RPH3A: variants seen among roughly 807,000 people sequenced by gnomAD.
RPH3A encodes the protein rabphilin 3A.
Under a neutral mutation model 102.2 loss-of-function variants are expected in RPH3A, and 48 were observed. That is an observed-to-expected ratio of 0.47 (90% CI 0.37 to 0.60). The LOEUF is 0.60. Ranked by LOEUF, RPH3A falls within the 20% of genes least tolerant of loss-of-function variation. The pLI, the probability that RPH3A is intolerant of heterozygous loss-of-function variation, is 0.00. For missense variants in RPH3A, 781 were observed against 910.1 expected, an observed-to-expected ratio of 0.86 and a Z score of 1.83; for synonymous variants, 310 against 324.3, an observed-to-expected ratio of 0.96 and a Z score of 0.47.
At chr12:112,837,719 G>C (rs999384583) in intron 4 of RPH3A, 1 of 455,826 alleles carries the variant, frequency 2.2e-6, no homozygotes, top group Non-Finnish European at 4.4e-6. Flanking sequence ...GTCATTGTCA[G>C]ATGACAAATA....
intron 2 of RPH3A, among the ~76,000 whole-genome samples, chr12:112,803,725 C>T (rs2041400966): frequency 6.6e-6 from 1 of 152,146 alleles, no homozygotes; most frequent in Non-Finnish European, 1.5e-5. Context: ...AGCTTGGATG[C>T]AATGCATGGA....
intron 1 of RPH3A, among the ~76,000 whole-genome samples, chr12:112,721,155 C>T (rs898650314): frequency 1.3e-5 from 2 of 152,130 alleles, no homozygotes; most frequent in African/African-American, 4.8e-5. Context: ...GGCAAGTGTT[C>T]AATAAATTTC....
At chr12:112,644,355 C>T (rs1336473388) in intron 1 of RPH3A, among the ~76,000 whole-genome samples, 1 of 152,156 alleles carries the variant, frequency 6.6e-6, no homozygotes, top group Admixed American at 6.5e-5. Flanking sequence ...GGAGTTCAGT[C>T]CTGCTGGGGA....
chr12:112,642,149 G>A (rs989497752), intron 1 of RPH3A, among the ~76,000 whole-genome samples: 1 of 152,096 alleles, frequency 6.6e-6, no homozygotes, highest in Non-Finnish European at 1.5e-5. Flanking sequence ...AACAAACATA[G>A]CATTTAAAAT....
At chr12:112,742,101 GA>G (rs1163235468) in intron 1 of RPH3A, among the ~76,000 whole-genome samples, 7 of 152,090 alleles carry the variant, frequency 4.6e-5, no homozygotes, top group Non-Finnish European at 1.0e-4. Flanking sequence ...AATTCTTTAA[GA>G]GCTTGATTTT....
At chr12:112,640,640 C>T (rs1218170813) in intron 1 of RPH3A, among the ~76,000 whole-genome samples, 1 of 152,136 alleles carries the variant, frequency 6.6e-6, no homozygotes, top group African/African-American at 2.4e-5. Context: ...TTGATTGAAT[C>T]AACTGTCAGA....
intron 2 of RPH3A, among the ~76,000 whole-genome samples, chr12:112,814,117 G>A (rs2041630294): frequency 6.6e-6 from 1 of 151,754 alleles, no homozygotes; most frequent in South Asian, 2.1e-4. Flanking sequence ...TGGAGTGTGG[G>A]TGGGGATGTG....
chr12:112,762,482 G>A (rs2040860289), intron 1 of RPH3A, among the ~76,000 whole-genome samples: 1 of 152,024 alleles, frequency 6.6e-6, no homozygotes, highest in Non-Finnish European at 1.5e-5. Flanking sequence ...GCTTCTCCTT[G>A]CAAACCCCAT....
chr12:112,635,282 T>G (rs2039839911), intron 1 of RPH3A, among the ~76,000 whole-genome samples: 1 of 152,232 alleles, frequency 6.6e-6, no homozygotes, highest in Non-Finnish European at 1.5e-5. Context: ...TGGTATTCCA[T>G]GTACTAGGTA....
rs570959455 is a variant in RPH3A at position 112,742,385 on chromosome 12, C to T, written c.-139-49758C>T. ...TCCACAGCAGCAGGAGCCACGGCAC[C>T]GAGACGGCCATGAGGAAATCAGCTT... is the stretch of plus-strand genomic sequence containing the variant. On this transcript the variant is annotated intron_variant, in intron 1 of 21. Coordinates refer to the RPH3A transcript ENST00000543106. 1.5e-4 allele frequency among the ~76,000 whole-genome samples: 23 copies of T among 152,106 alleles called. No individual in the cohort carries two copies. The South Asian group carries it at 4.0e-3, about 26-fold the overall frequency.
At chr12:112,728,701 A>G (rs912732596) in intron 1 of RPH3A, among the ~76,000 whole-genome samples, 2 of 152,200 alleles carry the variant, frequency 1.3e-5, no homozygotes, top group Admixed American at 6.5e-5. Context: ...GTCATACACC[A>G]AACAAAACAA....
chr12:112,887,000 A>G (rs192793169), intron 16 of RPH3A, among the ~76,000 whole-genome samples: 216 of 152,340 alleles, frequency 1.4e-3, no homozygotes, highest in African/African-American at 5.0e-3. Flanking sequence ...AGAGACTGAC[A>G]TAATTGAAGT....
chr12:112,692,121 G>A (rs911113991), intron 1 of RPH3A, among the ~76,000 whole-genome samples: 31 of 152,196 alleles, frequency 2.0e-4, no homozygotes, highest in African/African-American at 7.2e-4. Flanking sequence ...GAAGCTTAAA[G>A]TTGGCCTCAA....
chr12:112,650,170 C>T (rs1329292966), intron 1 of RPH3A, among the ~76,000 whole-genome samples: 1 of 152,156 alleles, frequency 6.6e-6, no homozygotes, highest in Non-Finnish European at 1.5e-5. Context: ...CTGACATTTC[C>T]AGTTCAGTCC....
intron 1 of RPH3A, among the ~76,000 whole-genome samples, chr12:112,640,799 C>T (rs2039884033): frequency 6.6e-6 from 1 of 152,088 alleles, no homozygotes; most frequent in Non-Finnish European, 1.5e-5. Context: ...AAGTGAGAAT[C>T]CTTTAGTCTC....
chr12:112,704,092 CTT>C (rs764997927), intron 1 of RPH3A, among the ~76,000 whole-genome samples: 6 of 145,998 alleles, frequency 4.1e-5, no homozygotes, highest in Admixed American at 1.4e-4. Flanking sequence ...TCTTCTTCTT[CTT>C]TTTTTTTTTT....
At chr12:112,718,354 C>T (rs762785707) in intron 1 of RPH3A, among the ~76,000 whole-genome samples, 31 of 152,014 alleles carry the variant, frequency 2.0e-4, no homozygotes, top group African/African-American at 7.2e-4. Flanking sequence ...GAATAAGTAA[C>T]ATTTTCATAT....
intron 1 of RPH3A, among the ~76,000 whole-genome samples, chr12:112,749,293 G>C (rs1265903951): frequency 6.6e-6 from 1 of 152,186 alleles, no homozygotes; most frequent in Non-Finnish European, 1.5e-5. Flanking sequence ...AGTGTTCTGG[G>C]ATGTGGGCAG....
intron 2 of RPH3A, among the ~76,000 whole-genome samples, chr12:112,802,872 T>C (rs928692519): frequency 6.6e-6 from 1 of 151,978 alleles, no homozygotes; most frequent in Admixed American, 6.5e-5. Context: ...AGAGCCTGGG[T>C]TTCCTCCTGT....
Sources: gnomAD v4.1 joint callset for allele counts (sites outside exome capture counted in the v4.1 genomes callset) on GRCh38, gnomAD v4.1.1 for gene constraint, MANE v1.5 for transcripts, NCBI Gene and HGNC (gene_info 2026-07-23, HGNC 2026-07-21) for gene names.